IL1RAPL2: variants seen among roughly 807,000 people sequenced by gnomAD.
IL1RAPL2 encodes X-linked interleukin-1 receptor accessory protein-like 2.
In IL1RAPL2, 3 loss-of-function variants were observed where a neutral mutation model predicts 44.1. The observed-to-expected ratio is 0.07, with a 90% CI of 0.03 to 0.18. IL1RAPL2 has a LOEUF of 0.18. IL1RAPL2 is among the 10% of genes least tolerant of loss of function. The pLI is 1.00. For synonymous variants in IL1RAPL2, 181 were observed against 178.8 expected, an observed-to-expected ratio of 1.01 and a Z score of -0.10; for missense variants, 391 against 496.4, an observed-to-expected ratio of 0.79 and a Z score of 2.02.
rs750618771 is a variant in IL1RAPL2 at position 105,465,474 on chromosome X, T to G, written c.698-18839T>G. Among the ~76,000 whole-genome samples the G allele has an allele frequency of 4.5e-5, 5 of 112,125 alleles. No individual in the cohort carries two copies. In the South Asian group the frequency reaches 1.8e-3, roughly 41 times the overall value. ...TTAATAATAGATTATTAGAAACTATTGTTGATTTATTTTCCTCTGTTATTA... is the reference window on the plus strand; with the variant it reads ...TTAATAATAGATTATTAGAAACTATGGTTGATTTATTTTCCTCTGTTATTA... On this transcript the variant is annotated intron_variant, in intron 5 of 10. Transcript: ENST00000372582.
chrX:105,110,924 G>C (rs982347488), intron 2 of IL1RAPL2, among the ~76,000 whole-genome samples: 6 of 111,236 alleles, frequency 5.4e-5, no homozygotes, highest in African/African-American at 2.0e-4. Context: ...GCAACAGAGC[G>C]AGACTCCACC....
At chrX:105,406,981 A>G in intron 5 of IL1RAPL2, 1 of 1,099,297 alleles carries the variant, frequency 9.1e-7, no homozygotes, top group Non-Finnish European at 1.3e-6. Context: ...GAGAGGGTCC[A>G]ACGTGAAGGG....
At chrX:104,596,237 C>G (rs1203002004) in intron 1 of IL1RAPL2, among the ~76,000 whole-genome samples, 5 of 111,587 alleles carry the variant, frequency 4.5e-5, no homozygotes, top group Non-Finnish European at 9.4e-5. Flanking sequence ...TCATTTGCCA[C>G]AATTCTAATG....
chrX:105,273,485 C>T (rs1334880775), intron 5 of IL1RAPL2, among the ~76,000 whole-genome samples: 3 of 111,749 alleles, frequency 2.7e-5, no homozygotes, highest in Non-Finnish European at 5.6e-5. Flanking sequence ...AAACTGGCCA[C>T]AAAGAAGTTA....
At chrX:105,399,997 A>T (rs1394226144) in intron 5 of IL1RAPL2, among the ~76,000 whole-genome samples, 1 of 111,375 alleles carries the variant, frequency 9.0e-6, no homozygotes, top group African/African-American at 3.3e-5. Flanking sequence ...AAAAGAAAAT[A>T]TTCTGGGAAG....
chrX:105,674,048 C>T (rs1364783862), intron 6 of IL1RAPL2, among the ~76,000 whole-genome samples: 1 of 111,276 alleles, frequency 9.0e-6, no homozygotes, highest in Non-Finnish European at 1.9e-5. Flanking sequence ...TGTTTGAGTT[C>T]CTTGTAGATT....
intron 6 of IL1RAPL2, among the ~76,000 whole-genome samples, chrX:105,660,827 T>C (rs920269973): frequency 2.3e-4 from 25 of 108,691 alleles, no homozygotes; most frequent in African/African-American, 8.0e-4. Flanking sequence ...CTGAAGAAAA[T>C]TGCCTTCACT....
chrX:105,419,477 G>A (rs750032756), intron 5 of IL1RAPL2, among the ~76,000 whole-genome samples: 4 of 111,413 alleles, frequency 3.6e-5, no homozygotes, highest in African/African-American at 9.8e-5. Flanking sequence ...TTTCCAGAAG[G>A]CTTTTTCAAA....
chrX:104,749,310 G>A (rs1932221681), intron 2 of IL1RAPL2, among the ~76,000 whole-genome samples: 1 of 110,931 alleles, frequency 9.0e-6, no homozygotes, highest in South Asian at 3.8e-4. Context: ...ACCTGACTCT[G>A]GCTTGAAGTT....
intron 6 of IL1RAPL2, among the ~76,000 whole-genome samples, chrX:105,649,488 C>A (rs2037628268): frequency 8.9e-6 from 1 of 112,254 alleles, no homozygotes; most frequent in Admixed American, 9.5e-5. Context: ...TAATGACTCA[C>A]AGTTAACTAG....
At chrX:104,967,990 A>T (rs2030159918) in intron 2 of IL1RAPL2, among the ~76,000 whole-genome samples, 1 of 111,612 alleles carries the variant, frequency 9.0e-6, no homozygotes. Context: ...AGATCATTTC[A>T]AGTTCATATA....
intron 2 of IL1RAPL2, among the ~76,000 whole-genome samples, chrX:104,879,069 T>A (rs1922987801): frequency 1.8e-5 from 2 of 110,725 alleles, no homozygotes; most frequent in Admixed American, 9.6e-5. Flanking sequence ...TATAAAATAT[T>A]TTATCATAGG....
chrX:105,734,161 A>AT (rs1489643202), intron 7 of IL1RAPL2, among the ~76,000 whole-genome samples: 2 of 110,207 alleles, frequency 1.8e-5, no homozygotes, highest in Non-Finnish European at 3.8e-5. Context: ...ATCCCTTATT[A>AT]TTATACAGGA....
Position 105,060,585 on chromosome X carries a change from C to CTTTTT in IL1RAPL2, c.83-134876_83-134872dup, listed in dbSNP as rs1161187469. ...TCTTTTTTCTATTCTTTTTCTTTTT[C>CTTTTT]TTTTTTTTTTTTTTTTTTGATATGT... On this transcript the variant is annotated intron_variant, in intron 2 of 10. Transcript: ENST00000372582. Among the ~76,000 whole-genome samples the CTTTTT allele has an allele frequency of 2.0e-3, 141 of 70,119 alleles. 1 individual carries two copies. The highest frequency in any genetic ancestry group is 7.9e-3 in the African/African-American group (128 of 16,267). The allele number at this position is 70,119 out of a possible 115,157, so 60.9% of individuals were successfully genotyped here.
At chrX:104,908,864 G>T (rs1268157081) in intron 2 of IL1RAPL2, among the ~76,000 whole-genome samples, 1 of 110,924 alleles carries the variant, frequency 9.0e-6, no homozygotes, top group Non-Finnish European at 1.9e-5. Context: ...TTGCTAGATT[G>T]GGGAAGTTCT....
chrX:104,955,815 T>C (rs1373874866), intron 2 of IL1RAPL2, among the ~76,000 whole-genome samples: 1 of 110,308 alleles, frequency 9.1e-6, no homozygotes, highest in African/African-American at 3.3e-5. Flanking sequence ...CCACTGAGAG[T>C]CTTCCATGCC....
intron 6 of IL1RAPL2, among the ~76,000 whole-genome samples, chrX:105,534,172 A>G (rs2036661098): frequency 8.9e-6 from 1 of 112,055 alleles, no homozygotes; most frequent in South Asian, 3.7e-4. Context: ...CTGGCTTTCA[A>G]AATTCAATTG....
intron 5 of IL1RAPL2, among the ~76,000 whole-genome samples, chrX:105,340,734 A>G (rs1003922177): frequency 1.8e-5 from 2 of 112,071 alleles, no homozygotes; most frequent in African/African-American, 6.5e-5. Flanking sequence ...TTAATATGCA[A>G]CTTGTCCCCA....
intron 5 of IL1RAPL2, among the ~76,000 whole-genome samples, chrX:105,276,413 A>G (rs2034486667): frequency 8.9e-6 from 1 of 112,417 alleles, no homozygotes; most frequent in Non-Finnish European, 1.9e-5. Flanking sequence ...CAACTCAAAC[A>G]AAACAAAACA....
Sources: allele counts gnomAD v4.1 joint callset (sites outside exome capture counted in the v4.1 genomes callset), GRCh38; gene constraint gnomAD v4.1.1; transcripts MANE v1.5; gene names NCBI Gene and HGNC (gene_info 2026-07-23, HGNC 2026-07-21).